DYNC2LI1: variants seen among roughly 807,000 people sequenced by gnomAD.
The protein encoded by DYNC2LI1 is cytoplasmic dynein 2 light intermediate chain 1.
In DYNC2LI1, 45 loss-of-function variants were observed where a neutral mutation model predicts 51.9. The observed-to-expected ratio is 0.87, with a 90% confidence interval of 0.68 to 1.11. DYNC2LI1 has a LOEUF of 1.11. DYNC2LI1 is among the 50% of genes most tolerant of loss of function. The pLI, the probability that DYNC2LI1 is intolerant of heterozygous loss-of-function variation, is 0.00. For synonymous variants in DYNC2LI1, 130 were observed against 137.8 expected, an observed-to-expected ratio of 0.94 and a Z score of 0.40; for missense variants, 490 against 417.4, an observed-to-expected ratio of 1.17 and a Z score of -1.51.
intron 9 of DYNC2LI1, 59 bp from the exon 10 acceptor site, chr2:43,801,580 G>T: frequency 8.0e-7 from 1 of 1,256,850 alleles, no homozygotes; most frequent in South Asian, 1.3e-5. Flanking sequence ...ATTTACAGGA[G>T]AGCGTGGCAG....
chr2:43,783,828 G>T (rs962502640), intron 3 of DYNC2LI1, among the ~76,000 whole-genome samples: 3 of 152,000 alleles, frequency 2.0e-5, no homozygotes, highest in Non-Finnish European at 4.4e-5. Context: ...CTTCTTTTTG[G>T]CTATGCTACT....
intron 2 of DYNC2LI1, among the ~76,000 whole-genome samples, chr2:43,780,646 G>A (rs75372847): frequency 0.02 from 3,017 of 152,218 alleles, 75 homozygotes; most frequent in African/African-American, 0.06. Flanking sequence ...AAAAGGCTGA[G>A]ATATTGGGGA....
At chr2:43,792,348 ATAT>A (rs1469722475) in intron 5 of DYNC2LI1, among the ~76,000 whole-genome samples, 3 of 152,168 alleles carry the variant, frequency 2.0e-5, no homozygotes, top group Non-Finnish European at 4.4e-5. Context: ...ATTAAATAAC[ATAT>A]TATAATTTTG....
intron 8 of DYNC2LI1, among the ~76,000 whole-genome samples, chr2:43,799,833 T>G (rs1391561664): frequency 6.6e-6 from 1 of 152,236 alleles, no homozygotes; most frequent in Non-Finnish European, 1.5e-5. Context: ...TAAAGTTTTC[T>G]GTATGTATTT....
rs576115918 is a variant in DYNC2LI1, at chr2:43,775,769, C to T, written c.9-1013C>T. 7.4e-4 allele frequency: 277 copies of T among 371,992 alleles called. 1 individual carries two copies. The highest frequency in any genetic ancestry group is 6.0e-3 in the African/African-American group (263 of 43,898). 23.0% of individuals were successfully genotyped at this position (371,992 alleles called of 1,614,324 possible). A position where few individuals can be genotyped will look rare whatever the true frequency, so the allele number is the denominator to read the frequency against. On this transcript the variant is annotated intron_variant, in intron 1 of 12. Transcript: ENST00000260605. ...GTGGCACGATCTTGGCTCAATACAA[C>T]ATCCACCTCCTGAGTTCAGGTGATT...
chr2:43,818,920 G>A, the DYNC2LI1 span, among the ~76,000 whole-genome samples: 6 of 152,044 alleles, frequency 3.9e-5, no homozygotes, highest in African/African-American at 1.5e-4. Context: ...AAAGAGACTG[G>A]CAAGTGGTAG....
the DYNC2LI1 span, chr2:43,820,004 T>C: frequency 1.9e-6 from 3 of 1,614,162 alleles, no homozygotes; most frequent in Non-Finnish European, 2.5e-6. Context: ...CGATACCAAG[T>C]AGCACAAGAG....
At chr2:43,821,151 A>G in the DYNC2LI1 span, among the ~76,000 whole-genome samples, 2 of 152,312 alleles carry the variant, frequency 1.3e-5, no homozygotes, top group Admixed American at 6.5e-5. Context: ...CTTACTCTTC[A>G]AGGCCATCTA....
At chr2:43,805,472 C>A in intron 12 of DYNC2LI1, 1 of 267,858 alleles carries the variant, frequency 3.7e-6, no homozygotes, top group East Asian at 7.2e-5. Context: ...CCTGTCATCC[C>A]ACCACCCAGA....
chr2:43,794,496 T>A lies in DYNC2LI1; in HGVS notation c.360T>A (p.Pro120=). 1 of 1,613,940 alleles carries A rather than the reference T, an allele frequency of 6.2e-7. No individual in the cohort carries two copies. Among genetic ancestry groups the A allele is most frequent in the Non-Finnish European group, 8.5e-7 (1 of 1,179,932 alleles). Reference sequence around the variant, plus strand: ...TTCTCGTTCTGGATCTTTCAAAACCTAATGATCTCTGGCCCACCATGGAAA... The same window carrying A: ...TTCTCGTTCTGGATCTTTCAAAACCAAATGATCTCTGGCCCACCATGGAAA... ...SLVLVLDLSK[P]NDLWPTMENL... The change falls in exon 6 of 13, where the codon CCT becomes CCA. Residue 120 remains proline (P), a synonymous_variant. Transcript: ENST00000260605.
chr2:43,795,046 G>T, intron 6 of DYNC2LI1: 1 of 1,049,550 alleles, frequency 9.5e-7, no homozygotes, highest in Non-Finnish European at 1.1e-6. Flanking sequence ...CCATCACTCT[G>T]TATTTTACAT....
downstream of DYNC2LI1, among the ~76,000 whole-genome samples, chr2:43,811,549 G>A (rs1180275042): frequency 6.6e-6 from 1 of 151,910 alleles, no homozygotes; most frequent in Non-Finnish European, 1.5e-5. Context: ...TTTGTACATG[G>A]AATTACTTGA....
chr2:43,817,485 C>T, the DYNC2LI1 span, among the ~76,000 whole-genome samples: 2,342 of 149,990 alleles, frequency 0.016, 52 homozygotes, highest in African/African-American at 0.052. Context: ...TGAGACTCTG[C>T]GTCAAGAAAC....
intron 1 of DYNC2LI1, 102 bp downstream of exon 1, chr2:43,774,248 A>G: frequency 2.7e-6 from 4 of 1,499,194 alleles, no homozygotes; most frequent in South Asian, 1.2e-5. Flanking sequence ...GGGGGTGGCT[A>G]CTTGCCACCA....
chr2:43,821,203 A>G, the DYNC2LI1 span, among the ~76,000 whole-genome samples: 372 of 152,254 alleles, frequency 2.4e-3, 7 homozygotes, highest in South Asian at 0.024. Flanking sequence ...TATGCTATCA[A>G]TGCCGTTCCT....
At chr2:43,776,731 T>A (rs1673040376) in intron 1 of DYNC2LI1, 51 bp from the exon 2 acceptor site, 1 of 809,334 alleles carries the variant, frequency 1.2e-6, no homozygotes, top group South Asian at 1.8e-5. Context: ...GAAATAAATA[T>A]TTGAAAGAAT....
intron 10 of DYNC2LI1, among the ~76,000 whole-genome samples, chr2:43,803,634 AAAT>A (rs1298242288): frequency 6.6e-6 from 1 of 152,206 alleles, no homozygotes; most frequent in Non-Finnish European, 1.5e-5. Context: ...CTGTGGTAGC[AAAT>A]ACATGAACCT....
Position 43,807,643 on chromosome 2 carries a change from T to G in DYNC2LI1, c.994-2062T>G, listed in dbSNP as rs138930814. Reference sequence around the variant, plus strand: ...TTTGTTGCCCAGGCTGGTCTTCAACTCCTCGCCTAAAGCAATCCTCCTGAG... The same window carrying G: ...TTTGTTGCCCAGGCTGGTCTTCAACGCCTCGCCTAAAGCAATCCTCCTGAG... On this transcript the variant is annotated intron_variant, in intron 12 of 12. Transcript: ENST00000260605. Among the ~76,000 whole-genome samples the G allele has an allele frequency of 3.0e-4, 42 of 140,554 alleles. 1 individual carries two copies. The East Asian group carries it at 9.5e-3, about 32-fold the overall frequency. The allele number at this position is 140,554 out of a possible 152,430, so 92.2% of individuals were successfully genotyped here. A position where few individuals can be genotyped will look rare whatever the true frequency, so the allele number is the denominator to read the frequency against.
chr2:43,809,942 G>C lies in DYNC2LI1; in HGVS notation c.*175G>C. 7.5e-7 allele frequency: 1 copy of C among 1,329,180 alleles called. No homozygotes were observed. Among genetic ancestry groups the C allele is most frequent in the Non-Finnish European group, 9.7e-7 (1 of 1,035,956 alleles). The allele number at this position is 1,329,180 out of a possible 1,614,324, so 82.3% of individuals were successfully genotyped here. On this transcript the variant is annotated 3_prime_UTR_variant, in exon 13 of 13. Coordinates refer to ENST00000260605, the MANE Select transcript of DYNC2LI1 (RefSeq NM_016008.4). ...CTGTATATCTTGAAGCTTTTTAAAA[G>C]GAAAAATTATTGTAGAACCACGTGT...
Sources: allele counts gnomAD v4.1 joint callset (sites outside exome capture counted in the v4.1 genomes callset), GRCh38; gene constraint gnomAD v4.1.1; transcripts MANE v1.5; gene names NCBI Gene and HGNC (gene_info 2026-07-23, HGNC 2026-07-21).